The following RPGRIP1L variants were observed in gnomAD, a reference collection of about 807,000 sequenced individuals.
RPGRIP1L encodes the protein RPGRIP1 like.
In RPGRIP1L, 131 loss-of-function variants were observed where a neutral mutation model predicts 160.4. The ratio of observed to expected loss-of-function variants is 0.82; its 90% CI spans 0.71 to 0.94. RPGRIP1L has a LOEUF of 0.94. Ranked by LOEUF, RPGRIP1L falls within the 40% of genes least tolerant of loss-of-function variation. The pLI is 0.00. For missense variants in RPGRIP1L, 1,522 were observed against 1,535.8 expected (o/e 0.99, Z 0.15); for synonymous variants, 510 against 515.8 (o/e 0.99, Z 0.15).
At chr16:53,702,318 G>T (rs139641825) in intron 1 of RPGRIP1L, among the ~76,000 whole-genome samples, 2 of 152,278 alleles carry the variant, frequency 1.3e-5, no homozygotes, top group Non-Finnish European at 2.9e-5. Flanking sequence ...ACAAGGAAGC[G>T]GGATGCTACT....
intron 6 of RPGRIP1L, 45 bp from the exon 7 acceptor site, chr16:53,675,167 G>C (rs1043548192): frequency 7.5e-7 from 1 of 1,324,802 alleles, no homozygotes; most frequent in Non-Finnish European, 1.1e-6. Flanking sequence ...AGTAAAAAAC[G>C]CAAGTTAGAA....
In RPGRIP1L at chr16:53,605,549, C is replaced by A. The variant is rs1598205825; in HGVS notation, c.3767G>T (p.Gly1256Val). 3 of 1,614,138 alleles carry A rather than the reference C, an allele frequency of 1.9e-6. No individual in the cohort carries two copies. Among genetic ancestry groups the A allele is most frequent in the Non-Finnish European group, 2.5e-6 (3 of 1,180,002 alleles). Residue 1256 changes from glycine (G) to valine (V), a missense_variant, in exon 26 of 27, where the codon GGC becomes GTC. Physicochemically the swap from Gly to Val is moderately radical, Grantham distance 109. Coordinates refer to ENST00000647211, the MANE Select transcript of RPGRIP1L (RefSeq NM_015272.5). Reference protein sequence around the residue: ...DEQDLECEDIGVAHVDLADMF... With the variant: ...DEQDLECEDIVVAHVDLADMF... The stretch of plus-strand genomic sequence containing the variant: ...GTCGGCAAGGTCGACGTGAGCCACG[C>A]CAATGTCCTCACACTCCAGGTCCTG...
chr16:53,668,014 C>T lies in RPGRIP1L; in HGVS notation c.1104-3005G>A, dbSNP rs560384660. ...TCGAGATTGCAGTGAGCTATGATTG[C>T]GCCACTGCCCTCTAGCCTGGACAAC... On this transcript the variant is annotated intron_variant, in intron 9 of 26. Coordinates refer to ENST00000647211, the MANE Select transcript of RPGRIP1L (RefSeq NM_015272.5). Among the ~76,000 whole-genome samples, 130 of 151,054 alleles carry T rather than the reference C, an allele frequency of 8.6e-4. 2 individuals carry two copies. In the Middle Eastern group the frequency reaches 0.021, roughly 24 times the overall value.
chr16:53,631,198 T>C (rs926738692), intron 22 of RPGRIP1L, among the ~76,000 whole-genome samples: 5 of 152,246 alleles, frequency 3.3e-5, no homozygotes, highest in Non-Finnish European at 5.9e-5. Context: ...GATTTCTGCA[T>C]TGTGCCTTTC....
At chr16:53,686,350 T>A in intron 6 of RPGRIP1L, 83 bp downstream of exon 6, 2 of 1,409,294 alleles carry the variant, frequency 1.4e-6, no homozygotes, top group Non-Finnish European at 2.0e-6. Flanking sequence ...ATAGACTAGA[T>A]AAACTTATCC....
Position 53,605,578 on chromosome 16 carries a change from G to A in RPGRIP1L, c.3738C>T (p.Asp1246=), listed in dbSNP as rs1239622461. The A allele has an allele frequency of 3.0e-5, 48 of 1,613,876 alleles. No homozygotes were observed. The highest frequency in any genetic ancestry group is 3.7e-5 in the Non-Finnish European group (44 of 1,179,902). Residue 1246 remains aspartate (D), a synonymous_variant, in exon 26 of 27, where the codon GAC becomes GAT. Transcript: ENST00000647211. ...TGTCCTCACACTCCAGGTCCTGCTC[G>A]TCCTCTGGAGGGTCACTGACCACGG... ...RFTVVSDPPE[D]EQDLECEDIG...
rs181022346 is a variant in RPGRIP1L at position 53,637,799 on chromosome 16, T to C, written c.3116A>G (p.Gln1039Arg). The C allele has an allele frequency of 1.9e-5, 31 of 1,613,396 alleles. No individual in the cohort carries two copies. In the East Asian group the frequency reaches 6.7e-4, roughly 35 times the overall value. Residue 1039 changes from glutamine to arginine, a missense_variant, in exon 21 of 27, where the codon CAA becomes CGA. Transcript: ENST00000647211. ...EVKENTEKMQ[Q>R]GKDDVSLLSE... ...TAGTAAAGACACATCATCTTTTCCTTGCTGCATTTTCTCAGTATTCTCTTT... is the reference window on the plus strand; with the variant it reads ...TAGTAAAGACACATCATCTTTTCCTCGCTGCATTTTCTCAGTATTCTCTTT...
chr16:53,647,512 G>A (rs1215388001), intron 16 of RPGRIP1L, among the ~76,000 whole-genome samples: 1 of 152,082 alleles, frequency 6.6e-6, no homozygotes, highest in Non-Finnish European at 1.5e-5. Flanking sequence ...CCAATTTTAC[G>A]TGTCCAGATA....
chr16:53,700,657 C>T lies in RPGRIP1L; in HGVS notation c.67G>A (p.Gly23Arg). 1 of 1,612,936 alleles carries T rather than the reference C, an allele frequency of 6.2e-7. No individual in the cohort carries two copies. Among genetic ancestry groups the T allele is most frequent in the Non-Finnish European group, 8.5e-7 (1 of 1,179,280 alleles). Residue 23 changes from glycine (G) to arginine (R), a missense_variant, in exon 2 of 27, where the codon GGA becomes AGA. Gly to Arg is a moderately radical substitution (Grantham distance 125, BLOSUM62 -2). Coordinates refer to ENST00000647211, the MANE Select transcript of RPGRIP1L (RefSeq NM_015272.5). Reference sequence around the variant, plus strand: ...GCCATACCTTGTAACCCTCCCATTCCAAAGAGGTTTAGACCTGTATCTTTC... The same window carrying T: ...GCCATACCTTGTAACCCTCCCATTCTAAAGAGGTTTAGACCTGTATCTTTC... ...PVKDTGLNLF[G>R]MGGLQETSTT...
intron 6 of RPGRIP1L, among the ~76,000 whole-genome samples, chr16:53,677,542 GT>G (rs1461378295): frequency 6.6e-5 from 10 of 152,154 alleles, no homozygotes; most frequent in Non-Finnish European, 1.3e-4. Flanking sequence ...GATAAATGTG[GT>G]CTAGCCTTTA....
intron 4 of RPGRIP1L, among the ~76,000 whole-genome samples, chr16:53,688,994 A>C (rs1157226852): frequency 1.3e-5 from 2 of 151,528 alleles, no homozygotes; most frequent in Non-Finnish European, 2.9e-5. Context: ...ATTCAACATT[A>C]CTAGTGGAAA....
chr16:53,673,000 C>G lies in RPGRIP1L; in HGVS notation c.899G>C (p.Arg300Thr). The change falls in exon 8 of 27, where the codon AGA becomes ACA. Residue 300 changes from arginine to threonine, a missense_variant. Physicochemically the swap from Arg to Thr is moderately conservative, Grantham distance 71. Coordinates refer to ENST00000647211, the MANE Select transcript of RPGRIP1L (RefSeq NM_015272.5). Reference sequence around the variant, plus strand: ...TGCCATCAAAGCATCGTGGCTGATTCTGAGAGTTCTTTGCTTCTAAAAGAT... The same window carrying G: ...TGCCATCAAAGCATCGTGGCTGATTGTGAGAGTTCTTTGCTTCTAAAAGAT... ...IQLQEKQRTL[R>T]ISHDALMANG... 1.2e-6 allele frequency: 2 copies of G among 1,613,000 alleles called. No homozygotes were observed. The highest frequency in any genetic ancestry group is 8.5e-7 in the Non-Finnish European group (1 of 1,179,520).
intron 2 of RPGRIP1L, among the ~76,000 whole-genome samples, chr16:53,697,344 C>T (rs1010990947): frequency 3.3e-5 from 5 of 150,084 alleles, no homozygotes; most frequent in Non-Finnish European, 7.4e-5. Context: ...CCTCTCCCCA[C>T]GGTCTCCCTC....
intron 19 of RPGRIP1L, among the ~76,000 whole-genome samples, 156 bp downstream of exon 19, chr16:53,640,877 T>C (rs755274939): frequency 5.3e-5 from 8 of 152,154 alleles, no homozygotes; most frequent in Non-Finnish European, 8.8e-5. Context: ...TTAACACTTA[T>C]ATATAGTGCC....
At chr16:53,685,353 G>C (rs2151311613) in intron 6 of RPGRIP1L, among the ~76,000 whole-genome samples, 1 of 152,274 alleles carries the variant, frequency 6.6e-6, no homozygotes, top group East Asian at 1.9e-4. Context: ...TCCCATTACT[G>C]GGTATATACC....
intron 2 of RPGRIP1L, among the ~76,000 whole-genome samples, chr16:53,696,957 G>A (rs957049122): frequency 6.6e-6 from 1 of 152,144 alleles, no homozygotes; most frequent in African/African-American, 2.4e-5. Context: ...ACTTTGGGGG[G>A]CTGGGGCGGG....
chr16:53,623,764 G>C (rs562308602), intron 22 of RPGRIP1L, among the ~76,000 whole-genome samples: 1 of 152,240 alleles, frequency 6.6e-6, no homozygotes, highest in African/African-American at 2.4e-5. Context: ...TCTGTCTATA[G>C]ACTCTGGGCT....
intron 2 of RPGRIP1L, among the ~76,000 whole-genome samples, chr16:53,698,741 C>T (rs1251619247): frequency 3.3e-5 from 5 of 149,478 alleles, no homozygotes; most frequent in African/African-American, 1.2e-4. Context: ...CCCGCCCGGC[C>T]AGCCGCCCCG....
intron 1 of RPGRIP1L, among the ~76,000 whole-genome samples, chr16:53,701,518 A>C (rs1355210870): frequency 6.7e-6 from 1 of 150,290 alleles, no homozygotes. Context: ...GGTCCACACA[A>C]TATCTAGTAT....
Sources: gnomAD v4.1 joint callset for allele counts (sites outside exome capture counted in the v4.1 genomes callset) on GRCh38, gnomAD v4.1.1 for gene constraint, MANE v1.5 for transcripts, NCBI Gene and HGNC (gene_info 2026-07-23, HGNC 2026-07-21) for gene names.